Variants in C8orf34 observed in about 807,000 individuals in gnomAD.
The protein encoded by C8orf34 is uncharacterized protein C8orf34.
Under a neutral mutation model 68.3 loss-of-function variants are expected in C8orf34, and 65 were observed. That is an observed-to-expected ratio of 0.95 (90% CI 0.78 to 1.17). C8orf34 has a LOEUF of 1.17. C8orf34 is among the 50% of genes most tolerant of loss of function. The pLI is 0.00. For synonymous variants in C8orf34, 244 were observed against 241.2 expected, an observed-to-expected ratio of 1.01 and a Z score of -0.11; for missense variants, 664 against 655.4, an observed-to-expected ratio of 1.01 and a Z score of -0.14.
intron 5 of C8orf34, among the ~76,000 whole-genome samples, chr8:68,510,774 T>C (rs532129365): frequency 6.6e-6 from 1 of 152,146 alleles, no homozygotes; most frequent in African/African-American, 2.4e-5. Flanking sequence ...GGAACTCTGT[T>C]CCCCCCAAGG....
At chr8:68,505,995 A>G (rs1318447) in intron 5 of C8orf34, among the ~76,000 whole-genome samples, 24,544 of 152,156 alleles carry the variant, frequency 0.16, 2,307 homozygotes, top group African/African-American at 0.27. Context: ...ATAACTCATC[A>G]GTGAAACCAA....
chr8:68,660,763 C>G (rs7014810), intron 8 of C8orf34, among the ~76,000 whole-genome samples: 1 of 152,010 alleles, frequency 6.6e-6, no homozygotes, highest in Non-Finnish European at 1.5e-5. Flanking sequence ...CCTCAAACAA[C>G]GGAGAGAAAA....
intron 8 of C8orf34, among the ~76,000 whole-genome samples, chr8:68,689,692 TGAAA>T (rs1820630500): frequency 6.6e-6 from 1 of 151,998 alleles, no homozygotes; most frequent in Admixed American, 6.6e-5. Context: ...AATAAATATA[TGAAA>T]GAGAGAGAAA....
At chr8:68,748,293 A>G (rs1296746248) in intron 10 of C8orf34, among the ~76,000 whole-genome samples, 1 of 142,542 alleles carries the variant, frequency 7.0e-6, no homozygotes, top group East Asian at 2.0e-4. Flanking sequence ...CTAGAAGAAA[A>G]CCTAGGCATC....
In C8orf34 at chr8:68,460,103, C is replaced by T. The variant is rs150573040; in HGVS notation, c.608-8589C>T. ...CTCCCACCCTAATACTGTGCTTTTC[C>T]GACAAGCTTAAAAAACGGAGTACCA... On this transcript the variant is annotated intron_variant, in intron 3 of 13. Coordinates refer to ENST00000518698, the MANE Select transcript of C8orf34 (RefSeq NM_052958.4). Among the ~76,000 whole-genome samples, 7 of 152,266 alleles carry T rather than the reference C, an allele frequency of 4.6e-5. No homozygotes were observed. The East Asian group carries it at 7.7e-4, about 17-fold the overall frequency.
intron 5 of C8orf34, among the ~76,000 whole-genome samples, chr8:68,501,043 A>G (rs958883515): frequency 4.6e-5 from 7 of 152,114 alleles, no homozygotes; most frequent in African/African-American, 1.7e-4. Context: ...TCTGCCTCCA[A>G]TGCATCAATT....
intron 12 of C8orf34, among the ~76,000 whole-genome samples, chr8:68,815,075 T>A (rs2129530102): frequency 6.6e-6 from 1 of 152,292 alleles, no homozygotes; most frequent in East Asian, 1.9e-4. Flanking sequence ...TTCCAAGAGA[T>A]GCTGTGGAAA....
chr8:68,811,597 A>C (rs999555053), intron 12 of C8orf34, among the ~76,000 whole-genome samples: 45 of 152,214 alleles, frequency 3.0e-4, no homozygotes, highest in African/African-American at 1.1e-3. Flanking sequence ...AACATTAAAT[A>C]GATCCGCCAA....
At chr8:68,600,191 A>G (rs1270682431) in intron 7 of C8orf34, among the ~76,000 whole-genome samples, 1 of 152,102 alleles carries the variant, frequency 6.6e-6, no homozygotes, top group East Asian at 1.9e-4. Flanking sequence ...GTAATTTATC[A>G]CAGTCTACAG....
At chr8:68,550,406 G>A (rs1057428595) in intron 7 of C8orf34, among the ~76,000 whole-genome samples, 11 of 151,526 alleles carry the variant, frequency 7.3e-5, no homozygotes, top group Admixed American at 2.0e-4. Context: ...AATATTCCTT[G>A]TATTATTGCC....
At chr8:68,638,578 T>G (rs1818914218) in intron 7 of C8orf34, among the ~76,000 whole-genome samples, 1 of 152,110 alleles carries the variant, frequency 6.6e-6, no homozygotes, top group Non-Finnish European at 1.5e-5. Flanking sequence ...TCTCTATGTT[T>G]GATGGAGGTT....
chr8:68,654,578 T>C (rs556667897), intron 8 of C8orf34, among the ~76,000 whole-genome samples: 18 of 152,292 alleles, frequency 1.2e-4, no homozygotes, highest in African/African-American at 4.3e-4. Context: ...ATTGCTTTTT[T>C]TGACCTACAA....
intron 3 of C8orf34, among the ~76,000 whole-genome samples, chr8:68,462,388 A>G (rs1811880486): frequency 1.3e-5 from 2 of 152,228 alleles, no homozygotes; most frequent in Admixed American, 6.5e-5. Flanking sequence ...TCAATGAGAC[A>G]GAAAGTTAAC....
rs76043167 is a variant in C8orf34, at chr8:68,752,669, G to A, written c.1405-23730G>A. Among the ~76,000 whole-genome samples the A allele has an allele frequency of 3.3e-5, 5 of 152,252 alleles. No homozygotes were observed. The East Asian group carries it at 7.7e-4, about 24-fold the overall frequency. On this transcript the variant is annotated intron_variant, in intron 10 of 13. Coordinates refer to ENST00000518698, the MANE Select transcript of C8orf34 (RefSeq NM_052958.4). The stretch of plus-strand genomic sequence containing the variant: ...TTTTAGGGCCTCACCAGCAAGCTTC[G>A]TTGTGGATGCGCAGTGGAAGTACTG...
Position 68,392,631 on chromosome 8 carries a change from C to T in C8orf34, c.328-46868C>T, listed in dbSNP as rs1039854756. ...GCTTTCCAAATAATTTTTATACCCA[C>T]ATATGCTTTAACAAATATTAATAAA... On this transcript the variant is annotated intron_variant, in intron 1 of 13. Transcript: ENST00000518698. Among the ~76,000 whole-genome samples, 5 of 151,948 alleles carry T rather than the reference C, an allele frequency of 3.3e-5. No individual in the cohort carries two copies. The East Asian group carries it at 9.6e-4, about 29-fold the overall frequency.
At position 68,535,364 on chromosome 8, in the gene C8orf34, A is replaced by G. The variant is rs372542157; in HGVS notation, c.1105+2215A>G. 3.1e-6 allele frequency: 3 copies of G among 983,544 alleles called. No individual in the cohort carries two copies. The East Asian group carries it at 3.4e-4, about 112-fold the overall frequency. 60.9% of individuals were successfully genotyped at this position (983,544 alleles called of 1,614,324 possible). A position where few individuals can be genotyped will look rare whatever the true frequency, so the allele number is the denominator to read the frequency against. The stretch of plus-strand genomic sequence containing the variant: ...AATGTTTAACTTGTCTTTGTTATCT[A>G]TACCAAGATATAACTGGCTGAAAAA... On this transcript the variant is annotated intron_variant, in intron 7 of 13. Coordinates refer to ENST00000518698, the MANE Select transcript of C8orf34 (RefSeq NM_052958.4).
chr8:68,515,791 G>A (rs554640045), intron 5 of C8orf34, among the ~76,000 whole-genome samples: 2 of 152,236 alleles, frequency 1.3e-5, no homozygotes, highest in South Asian at 2.1e-4. Context: ...AAAATTCTTT[G>A]AATACTCTTT....
At chr8:68,670,063 G>A (rs1251362113) in intron 8 of C8orf34, among the ~76,000 whole-genome samples, 1 of 152,070 alleles carries the variant, frequency 6.6e-6, no homozygotes, top group Non-Finnish European at 1.5e-5. Context: ...AGCCTCCCTG[G>A]TCAGCAGCTC....
intron 8 of C8orf34, among the ~76,000 whole-genome samples, chr8:68,667,917 T>A (rs1018979595): frequency 6.6e-6 from 1 of 152,142 alleles, no homozygotes; most frequent in Non-Finnish European, 1.5e-5. Flanking sequence ...TGAAACTGAA[T>A]CATTTTCCAA....
Sources: allele counts gnomAD v4.1 joint callset (sites outside exome capture counted in the v4.1 genomes callset), GRCh38; gene constraint gnomAD v4.1.1; transcripts MANE v1.5; gene names NCBI Gene and HGNC (gene_info 2026-07-23, HGNC 2026-07-21).